The following TSPAN4 variants were observed in gnomAD, a reference collection of about 807,000 sequenced individuals.
TSPAN4 encodes the protein tetraspanin 4.
Under a neutral mutation model 31.5 loss-of-function variants are expected in TSPAN4, and 38 were observed. The observed-to-expected ratio is 1.21, with a 90% confidence interval of 0.93 to 1.58. The LOEUF (loss-of-function observed/expected upper bound fraction) is 1.58, where lower values mean the gene tolerates loss of function less well. Ranked by LOEUF, TSPAN4 falls within the 40% of genes most tolerant of loss-of-function variation. The pLI, the probability that TSPAN4 is intolerant of heterozygous loss-of-function variation, is 0.00. For missense variants in TSPAN4, 330 were observed against 317.3 expected (o/e 1.04, Z -0.30); for synonymous variants, 186 against 144.6 (o/e 1.29, Z -2.06).
chr11:866,426 G>A, intron 8 of TSPAN4, 136 bp from the exon 9 acceptor site: 1 of 750,380 alleles, frequency 1.3e-6, no homozygotes, highest in South Asian at 1.9e-5. Flanking sequence ...CCAGGAAGCT[G>A]AAGGGCTCTG....
rs1208139914 is a variant in TSPAN4, at chr11:854,849, A to G, written c.63+4482A>G. ...GCCTCTGGGCAGCACAGTGTCCCCA[A>G]GGGTGGCAGAGGGCTCTGCCTTCAG... On this transcript the variant is annotated intron_variant, in intron 3 of 8. Coordinates refer to ENST00000397397, the MANE Select transcript of TSPAN4 (RefSeq NM_003271.5). Among the ~76,000 whole-genome samples, 4 of 152,206 alleles carry G rather than the reference A, an allele frequency of 2.6e-5. No individual in the cohort carries two copies. The East Asian group carries it at 7.7e-4, about 29-fold the overall frequency.
intron 3 of TSPAN4, among the ~76,000 whole-genome samples, chr11:853,403 C>G (rs1412460041): frequency 6.6e-6 from 1 of 152,170 alleles, no homozygotes; most frequent in African/African-American, 2.4e-5. Context: ...GCTAGGGCCC[C>G]TGGTCACTGA....
intron 3 of TSPAN4, among the ~76,000 whole-genome samples, chr11:852,231 C>G (rs370191016): frequency 2.6e-5 from 4 of 152,274 alleles, no homozygotes; most frequent in African/African-American, 9.6e-5. Context: ...TCAAGCGATT[C>G]TCATGCCTCA....
At chr11:862,770 G>T in intron 4 of TSPAN4, 29 bp downstream of exon 4, 1 of 1,585,148 alleles carries the variant, frequency 6.3e-7, no homozygotes, top group Non-Finnish European at 8.6e-7. Context: ...GCGATGCTCC[G>T]GGTGGGACCA....
intron 5 of TSPAN4, 116 bp from the exon 6 acceptor site, chr11:865,397 C>G (rs1255815187): frequency 1.3e-6 from 1 of 772,810 alleles, no homozygotes; most frequent in Admixed American, 2.4e-5. Context: ...CTAGGAGGCG[C>G]GGGGGACACA....
intron 2 of TSPAN4, among the ~76,000 whole-genome samples, chr11:847,619 C>T (rs946334430): frequency 1.3e-5 from 2 of 151,258 alleles, no homozygotes; most frequent in Admixed American, 6.6e-5. Flanking sequence ...CCACCCCCCC[C>T]CAACCCCGCT....
chr11:854,387 C>G (rs1345860401), intron 3 of TSPAN4, among the ~76,000 whole-genome samples: 2 of 152,202 alleles, frequency 1.3e-5, no homozygotes, highest in Admixed American at 1.3e-4. Context: ...CTCCTTGAGG[C>G]CTCATTTTCC....
rs760406579 is a variant in TSPAN4 at position 862,655 on chromosome 11, CTCA to C, written c.176_178del (p.Ile59del). The C allele has an allele frequency of 1.2e-5, 20 of 1,613,380 alleles. No individual in the cohort carries two copies. The highest frequency in any genetic ancestry group is 1.4e-5 in the Non-Finnish European group (17 of 1,179,898). ...CCCGTCCCTGTCGGCTGCCAACTTG[CTCA>C]TCATCACCGGCGCCTTTGTCATGGC... On this transcript the variant is annotated inframe_deletion, in exon 4 of 9. Transcript: ENST00000397397.
chr11:854,563 C>T (rs1177434492), intron 3 of TSPAN4, among the ~76,000 whole-genome samples: 1 of 152,212 alleles, frequency 6.6e-6, no homozygotes, highest in African/African-American at 2.4e-5. Context: ...TGGTCCAGGG[C>T]CCCAGCCTGG....
intron 2 of TSPAN4, chr11:850,035 C>T (rs920563763): frequency 3.1e-4 from 76 of 248,732 alleles, no homozygotes; most frequent in African/African-American, 1.6e-3. Context: ...CGCGATGCGC[C>T]GCTCCAGCAC....
Position 864,425 on chromosome 11 carries a change from C to G in TSPAN4, c.256-12C>G. ...CCTTTCGGGTCCCTGTCTGAGCCTGCCCCCTCCACAGTTCTTCCTGCTGCT... is the reference window on the plus strand; with the variant it reads ...CCTTTCGGGTCCCTGTCTGAGCCTGGCCCCTCCACAGTTCTTCCTGCTGCT... On this transcript the variant is annotated splice_polypyrimidine_tract_variant and intron_variant, in intron 4 of 8. Transcript: ENST00000397397. The G allele has an allele frequency of 6.2e-7, 1 of 1,611,632 alleles. No individual in the cohort carries two copies. The highest frequency in any genetic ancestry group is 8.5e-7 in the Non-Finnish European group (1 of 1,179,906).
intron 3 of TSPAN4, among the ~76,000 whole-genome samples, chr11:851,054 G>C (rs1161414423): frequency 6.6e-6 from 1 of 152,230 alleles, no homozygotes; most frequent in Non-Finnish European, 1.5e-5. Flanking sequence ...TGTCCGGGGG[G>C]GCCCTGTGTG....
chr11:864,635 A>G, intron 5 of TSPAN4, 124 bp downstream of exon 5: 1 of 1,250,980 alleles, frequency 8.0e-7, no homozygotes, highest in Non-Finnish European at 1.1e-6. Flanking sequence ...CAGCCAGGAC[A>G]GCGGGTGTGG....
intron 4 of TSPAN4, 35 bp downstream of exon 4, chr11:862,776 G>T (rs570787947): frequency 6.4e-7 from 1 of 1,572,654 alleles, no homozygotes; most frequent in South Asian, 1.2e-5. Flanking sequence ...CTCCGGGTGG[G>T]ACCACGCAGG....
rs1184183459 is a variant in TSPAN4, at chr11:864,269, G to C, written c.256-168G>C. 5 of 735,594 alleles carry C rather than the reference G, an allele frequency of 6.8e-6. No homozygotes were observed. The African/African-American group carries it at 7.0e-5, about 10-fold the overall frequency. 45.6% of individuals were successfully genotyped at this position (735,594 alleles called of 1,614,324 possible). A position where few individuals can be genotyped will look rare whatever the true frequency, so the allele number is the denominator to read the frequency against. On this transcript the variant is annotated intron_variant, in intron 4 of 8. Coordinates refer to ENST00000397397, the MANE Select transcript of TSPAN4 (RefSeq NM_003271.5). Reference sequence around the variant, plus strand: ...CACAGTCCCTGGACCTGGGGCCAAGGGTTCTGAGGTGGGGGCGGCGTTCTG... The same window carrying C: ...CACAGTCCCTGGACCTGGGGCCAAGCGTTCTGAGGTGGGGGCGGCGTTCTG...
At position 855,281 on chromosome 11, in the gene TSPAN4, C is replaced by T. The variant is rs1371143799; in HGVS notation, c.63+4914C>T. ...GCAGGCAGAGAAGTCAGGAGGCCCA[C>T]GCAGGGGGACGGGAGTGAGCGTGGG... On this transcript the variant is annotated intron_variant, in intron 3 of 8. Transcript: ENST00000397397. Among the ~76,000 whole-genome samples, 8 of 152,308 alleles carry T rather than the reference C, an allele frequency of 5.3e-5. No individual in the cohort carries two copies. In the East Asian group the frequency reaches 7.7e-4, roughly 15 times the overall value.
At chr11:850,476 C>A (rs1288739558) in intron 3 of TSPAN4, 109 bp downstream of exon 3, 3 of 945,306 alleles carry the variant, frequency 3.2e-6, no homozygotes, top group Non-Finnish European at 4.8e-6. Flanking sequence ...GCGTTGGGTG[C>A]GGTTGTGGGG....
chr11:861,247 G>A (rs959952458), intron 3 of TSPAN4, among the ~76,000 whole-genome samples: 2 of 152,236 alleles, frequency 1.3e-5, no homozygotes, highest in Non-Finnish European at 2.9e-5. Context: ...ACTGCAGGAG[G>A]TGGCCCTCCG....
At chr11:849,339 G>A (rs1847493623) in intron 2 of TSPAN4, among the ~76,000 whole-genome samples, 1 of 152,244 alleles carries the variant, frequency 6.6e-6, no homozygotes, top group Non-Finnish European at 1.5e-5. Context: ...CCCCCCACCC[G>A]CCGCCGGCAC....
Sources: gnomAD v4.1 joint callset for allele counts (sites outside exome capture counted in the v4.1 genomes callset) on GRCh38, gnomAD v4.1.1 for gene constraint, MANE v1.5 for transcripts, NCBI Gene and HGNC (gene_info 2026-07-23, HGNC 2026-07-21) for gene names.